Variants in MPHOSPH8 observed in about 807,000 individuals in gnomAD.
MPHOSPH8 encodes M-phase phosphoprotein, mpp.
A neutral mutation model predicts 87.3 loss-of-function variants in MPHOSPH8; 45 were observed. The ratio of observed to expected loss-of-function variants is 0.52; its 90% CI spans 0.41 to 0.66. The LOEUF (loss-of-function observed/expected upper bound fraction) is 0.66. MPHOSPH8 is among the 30% of genes least tolerant of loss of function. MPHOSPH8 has a pLI of 0.00. For missense variants in MPHOSPH8, 883 were observed against 1,020.2 expected (o/e 0.87, Z 1.83); for synonymous variants, 366 against 376.9 (o/e 0.97, Z 0.33).
At chr13:19,648,652 T>C (rs1399959750) in intron 4 of MPHOSPH8, 131 bp downstream of exon 4, 3 of 326,886 alleles carry the variant, frequency 9.2e-6, no homozygotes, top group Non-Finnish European at 1.7e-5. Flanking sequence ...TCCTTTTTAA[T>C]ATGATGAGGG....
intron 12 of MPHOSPH8, chr13:19,670,936 C>A (rs1282322030): frequency 1.0e-6 from 1 of 972,140 alleles, no homozygotes; most frequent in Non-Finnish European, 1.5e-6. Context: ...CCTCCCACCT[C>A]AGCCTCCTAA....
chr13:19,634,405 TCTC>T (rs1456252063), intron 1 of MPHOSPH8, among the ~76,000 whole-genome samples: 2 of 152,148 alleles, frequency 1.3e-5, no homozygotes, highest in Non-Finnish European at 1.5e-5. Flanking sequence ...TGGAGTAAAA[TCTC>T]AATCTTACCC....
At chr13:19,652,201 G>A (rs528182891) in intron 5 of MPHOSPH8, among the ~76,000 whole-genome samples, 6 of 152,338 alleles carry the variant, frequency 3.9e-5, no homozygotes, top group East Asian at 1.9e-4. Flanking sequence ...CAGAAAGCAG[G>A]TGATTTCTGC....
intron 1 of MPHOSPH8, among the ~76,000 whole-genome samples, chr13:19,639,012 G>C (rs1457305581): frequency 1.3e-5 from 2 of 151,728 alleles, no homozygotes; most frequent in Non-Finnish European, 2.9e-5. Flanking sequence ...GAACCCAGGA[G>C]GCAGAGGTTG....
At position 19,633,687 on chromosome 13, in the gene MPHOSPH8, C is replaced by T. The variant is rs1873823176; in HGVS notation, c.-62C>T. 7 of 1,531,186 alleles carry T rather than the reference C, an allele frequency of 4.6e-6. No homozygotes were observed. In the East Asian group the frequency reaches 9.8e-5, roughly 21 times the overall value. The allele number at this position is 1,531,186 out of a possible 1,614,324, so 94.8% of individuals were successfully genotyped here. Reference sequence around the variant, plus strand: ...GTGGAGTAGGGCCGAGCGCGGAACGCGAGGGGCTGCTGGGGTGTTTGTCGC... The same window carrying T: ...GTGGAGTAGGGCCGAGCGCGGAACGTGAGGGGCTGCTGGGGTGTTTGTCGC... On this transcript the variant is annotated 5_prime_UTR_variant, in exon 1 of 14. An upstream open reading frame in the 5' UTR gains an earlier in-frame stop. Transcript: ENST00000361479.
Position 19,647,212 on chromosome 13 carries a change from C to T in MPHOSPH8, c.1139C>T (p.Pro380Leu), listed in dbSNP as rs774372548. The change falls in exon 3 of 14, where the codon CCT becomes CTT. Residue 380 changes from proline (P) to leucine (L), a missense_variant. Physicochemically the swap from Pro to Leu is moderately conservative, Grantham distance 98 (BLOSUM62 -3). This residue lies in a region of MPHOSPH8 where 741 missense variants were observed against 841.5 expected (regional missense o/e 0.88). Transcript: ENST00000361479. ...GCTGCAGAGTTAGAGAAGCTGATGC[C>T]TGTATCTGCCCAAACGCCAAAGGGC... ...KSAAELEKLM[P>L]VSAQTPKGRR... 44 of 1,614,086 alleles carry T rather than the reference C, an allele frequency of 2.7e-5. 1 individual carries two copies. The highest frequency in any genetic ancestry group is 1.5e-4 in the South Asian group (14 of 91,074).
chr13:19,646,757 G>T lies in MPHOSPH8; in HGVS notation c.684G>T (p.Lys228Asn). The part of the protein sequence containing the change: ...KDEVKETKEL[K>N]KVKKGEIRDL... ...AAGTAAAAGAAACAAAAGAATTAAA[G>T]AAAGTTAAAAAGGGTGAAATAAGAG... is the stretch of plus-strand genomic sequence containing the variant. The change falls in exon 3 of 14, where the codon AAG becomes AAT. Residue 228 changes from lysine to asparagine, a missense_variant. This residue lies in a region of MPHOSPH8 where 741 missense variants were observed against 841.5 expected (regional missense o/e 0.88). Coordinates refer to ENST00000361479, the MANE Select transcript of MPHOSPH8 (RefSeq NM_017520.4). The T allele has an allele frequency of 6.3e-7, 1 of 1,583,328 alleles. No individual in the cohort carries two copies. The highest frequency in any genetic ancestry group is 1.2e-5 in the South Asian group (1 of 84,878).
At chr13:19,668,270 T>G (rs940677902) in intron 10 of MPHOSPH8, 107 bp from the exon 11 acceptor site, 89 of 914,572 alleles carry the variant, frequency 9.7e-5, no homozygotes, top group Non-Finnish European at 1.4e-4. Flanking sequence ...CAGGCAGAGC[T>G]GCAGGTCTTT....
rs17085454 is a variant in MPHOSPH8 at position 19,666,171 on chromosome 13, G to A, written c.2020-254G>A. 9.8e-3 allele frequency among the ~76,000 whole-genome samples: 1,493 copies of A among 152,300 alleles called. 20 individuals are homozygous for A. Among genetic ancestry groups the A allele is most frequent in the African/African-American group, 0.034 (1,413 of 41,552 alleles). On this transcript the variant is annotated intron_variant, in intron 9 of 13. Coordinates refer to ENST00000361479, the MANE Select transcript of MPHOSPH8 (RefSeq NM_017520.4). Reference sequence around the variant, plus strand: ...AAGTTGCCCATTTCCTGAAAACTCAGTGCTAAGATATTAACTGAATGTAGC... The same window carrying A: ...AAGTTGCCCATTTCCTGAAAACTCAATGCTAAGATATTAACTGAATGTAGC...
Position 19,658,894 on chromosome 13 carries a change from A to G in MPHOSPH8, c.1577-101A>G. The stretch of plus-strand genomic sequence containing the variant: ...ATACAATGACTTGTGTTAAAAGTGT[A>G]CATAAAGCTTTGGTTAAGACACCAC... On this transcript the variant is annotated intron_variant, in intron 5 of 13. Transcript: ENST00000361479. 2.2e-6 allele frequency: 3 copies of G among 1,389,718 alleles called. No individual in the cohort carries two copies. In the South Asian group the frequency reaches 4.1e-5, roughly 19 times the overall value. 86.1% of individuals were successfully genotyped at this position (1,389,718 alleles called of 1,614,324 possible). A position where few individuals can be genotyped will look rare whatever the true frequency, so the allele number is the denominator to read the frequency against.
intron 7 of MPHOSPH8, 96 bp downstream of exon 7, chr13:19,659,385 T>A: frequency 9.8e-7 from 1 of 1,024,236 alleles, no homozygotes; most frequent in East Asian, 2.6e-5. Flanking sequence ...TACAAAAGGC[T>A]GGGCGTGGTG....
chr13:19,661,907 C>A, intron 8 of MPHOSPH8, 69 bp downstream of exon 8: 2 of 1,458,208 alleles, frequency 1.4e-6, no homozygotes, highest in South Asian at 1.4e-5. Context: ...GAGAGGATCT[C>A]TTTGGTAGTG....
Position 19,647,238 on chromosome 13 carries a change from C to G in MPHOSPH8, c.1165C>G (p.Arg389Gly), listed in dbSNP as rs142808828. ...MPVSAQTPKG[R>G]RLSGEERGLW... Reference sequence around the variant, plus strand: ...TGTATCTGCCCAAACGCCAAAGGGCCGGAGGTTGAGCGGGGAAGAGAGAGG... The same window carrying G: ...TGTATCTGCCCAAACGCCAAAGGGCGGGAGGTTGAGCGGGGAAGAGAGAGG... Residue 389 changes from arginine (R) to glycine (G), a missense_variant, in exon 3 of 14, where the codon CGG becomes GGG. Arg to Gly is a moderately radical substitution (Grantham distance 125). Transcript: ENST00000361479. 3,959 of 1,613,126 alleles carry G rather than the reference C, an allele frequency of 2.5e-3. 75 individuals carry two copies. In the African/African-American group the frequency reaches 0.039, roughly 16 times the overall value.
rs1229393499 is a variant in MPHOSPH8, at chr13:19,647,369, A to G, written c.1218+78A>G. The G allele has an allele frequency of 3.9e-6, 5 of 1,297,710 alleles. No individual in the cohort carries two copies. In the Admixed American group the frequency reaches 8.4e-5, roughly 22 times the overall value. The allele number at this position is 1,297,710 out of a possible 1,614,324, so 80.4% of individuals were successfully genotyped here. ...CACAAGCAAGGAAAGGGAAACAGTC[A>G]AGCTATAAGAAAGTGTTTATGACCA... On this transcript the variant is annotated intron_variant, in intron 3 of 13. Transcript: ENST00000361479.
intron 4 of MPHOSPH8, among the ~76,000 whole-genome samples, 156 bp from the exon 5 acceptor site, chr13:19,649,847 C>G (rs1316290447): frequency 6.6e-6 from 1 of 152,190 alleles, no homozygotes; most frequent in Non-Finnish European, 1.5e-5. Context: ...GATTTTGTGG[C>G]TTTGACAGTA....
At chr13:19,655,405 A>C (rs1875102751) in intron 5 of MPHOSPH8, among the ~76,000 whole-genome samples, 1 of 152,154 alleles carries the variant, frequency 6.6e-6, no homozygotes, top group African/African-American at 2.4e-5. Context: ...AAGTTCGAGG[A>C]TGCAGTGAGC....
chr13:19,657,313 C>T (rs1018434851), intron 5 of MPHOSPH8, among the ~76,000 whole-genome samples: 11 of 151,614 alleles, frequency 7.3e-5, no homozygotes, highest in South Asian at 2.1e-4. Flanking sequence ...GTCAGAAGTT[C>T]GAGACCAGCC....
intron 11 of MPHOSPH8, 28 bp from the exon 12 acceptor site, chr13:19,670,208 G>A (rs1593494168): frequency 4.3e-6 from 7 of 1,613,630 alleles, no homozygotes; most frequent in Non-Finnish European, 5.9e-6. Flanking sequence ...TGCCTTTGAA[G>A]TAATTCACAC....
rs746769123 is a variant in MPHOSPH8, at chr13:19,659,109, C to T, written c.1691C>T (p.Ala564Val). Residue 564 changes from alanine (A) to valine (V), a missense_variant, in exon 6 of 14, where the codon GCA becomes GTA. Around this residue, in one of 3 missense-constraint regions of MPHOSPH8, gnomAD observed 741 missense variants for 841.5 expected, o/e 0.88. Transcript: ENST00000361479. Reference protein sequence around the residue: ...GKDENFAATDAIPSNVLRDAV... With the variant: ...GKDENFAATDVIPSNVLRDAV... The stretch of plus-strand genomic sequence containing the variant: ...GATGAGAATTTTGCTGCAACAGATG[C>T]AATTCCAAGTAGTGAGTAGTTTTGG... The T allele has an allele frequency of 6.2e-7, 1 of 1,613,818 alleles. No homozygotes were observed. The highest frequency in any genetic ancestry group is 8.5e-7 in the Non-Finnish European group (1 of 1,179,990).
Sources: allele counts gnomAD v4.1 joint callset (sites outside exome capture counted in the v4.1 genomes callset), GRCh38; gene constraint gnomAD v4.1.1; regional missense constraint gnomAD v4.1.1; transcripts MANE v1.5; gene names NCBI Gene and HGNC (gene_info 2026-07-23, HGNC 2026-07-21).